SMARCB1: variants seen among roughly 807,000 people sequenced by gnomAD.
The protein encoded by SMARCB1 is SWI/SNF-related matrix-associated actin-dependent regulator of chromatin subfamily B member 1.
A neutral mutation model predicts 49.0 loss-of-function variants in SMARCB1; 5 were observed. The ratio of observed to expected loss-of-function variants is 0.10; its 90% CI spans 0.05 to 0.21. SMARCB1 has a LOEUF of 0.21. Among genes scored for constraint, SMARCB1 ranks in the 10% least tolerant of loss-of-function variants. The pLI is 1.00. For missense variants in SMARCB1, 226 were observed against 509.2 expected (o/e 0.44, Z 5.35); for synonymous variants, 201 against 200.1 (o/e 1.00, Z -0.04).
At position 23,812,420 on chromosome 22, in the gene SMARCB1, A is replaced by G. The variant is rs532527567; in HGVS notation, c.629-4350A>G. Among the ~76,000 whole-genome samples, 522 of 152,230 alleles carry G rather than the reference A, an allele frequency of 3.4e-3. 2 individuals carry two copies. The highest frequency in any genetic ancestry group is 6.1e-3 in the Admixed American group (93 of 15,266). Reference sequence around the variant, plus strand: ...AATGTTGACGAATGAGTTAACACCAATTCTACACAATCTCTTCCAGAAAAT... The same window carrying G: ...AATGTTGACGAATGAGTTAACACCAGTTCTACACAATCTCTTCCAGAAAAT... On this transcript the variant is annotated intron_variant, in intron 5 of 8. Transcript: ENST00000644036.
Position 23,834,311 on chromosome 22 carries a change from G to A in SMARCB1, c.*131G>A. 11 of 1,012,758 alleles carry A rather than the reference G, an allele frequency of 1.1e-5. No homozygotes were observed. Among genetic ancestry groups the A allele is most frequent in the South Asian group, 9.5e-5 (7 of 73,692 alleles). The allele number at this position is 1,012,758 out of a possible 1,614,324, so 62.7% of individuals were successfully genotyped here. A position where few individuals can be genotyped will look rare whatever the true frequency, so the allele number is the denominator to read the frequency against. On this transcript the variant is annotated 3_prime_UTR_variant, in exon 9 of 9. Coordinates refer to ENST00000644036, the MANE Select transcript of SMARCB1 (RefSeq NM_003073.5). ...TGAGGATCGGGTGGGGGTGGAGTGG[G>A]GGCTTCCAGGTGGCCCTTCCCGGCA... is the stretch of plus-strand genomic sequence containing the variant.
At position 23,791,744 on chromosome 22, in the gene SMARCB1, C is replaced by T. The variant is rs1200108676; in HGVS notation, c.94-12C>T. ...GCGACCCTTATAATGAGCCTTCTTG[C>T]TTTACTCATAGGTGGGAAACTACCT... On this transcript the variant is annotated splice_polypyrimidine_tract_variant and intron_variant, in intron 1 of 8. Transcript: ENST00000644036. 2.5e-6 allele frequency: 4 copies of T among 1,613,462 alleles called. No individual in the cohort carries two copies. Among genetic ancestry groups the T allele is most frequent in the East Asian group, 2.2e-5 (1 of 44,900 alleles).
intron 7 of SMARCB1, among the ~76,000 whole-genome samples, chr22:23,829,948 G>C (rs2030571655): frequency 6.6e-6 from 1 of 152,154 alleles, no homozygotes; most frequent in Non-Finnish European, 1.5e-5. Flanking sequence ...TTAGCATAAT[G>C]TTTTCAAGGA....
intron 5 of SMARCB1, among the ~76,000 whole-genome samples, chr22:23,812,649 AG>A (rs1568949283): frequency 6.6e-6 from 1 of 152,214 alleles, no homozygotes; most frequent in African/African-American, 2.4e-5. Context: ...GATTTATTGC[AG>A]GGATGGAAGG....
intron 6 of SMARCB1, chr22:23,823,475 T>C (rs1018809945): frequency 2.0e-5 from 3 of 152,272 alleles, no homozygotes; most frequent in Non-Finnish European, 4.4e-5. Flanking sequence ...GCAGTCCCCA[T>C]TGCCTGGCTG....
In SMARCB1 at chr22:23,837,460, G is replaced by A. The variant is rs1033044266; in HGVS notation, c.*3280G>A. On this transcript the variant is annotated 3_prime_UTR_variant, in exon 9 of 9. Transcript: ENST00000644036. ...GGACCGTGCAAGCATCAGTAGATCCGTCCTGACGATGCAAATTATGTGGGC... is the reference window on the plus strand; with the variant it reads ...GGACCGTGCAAGCATCAGTAGATCCATCCTGACGATGCAAATTATGTGGGC... The A allele has an allele frequency of 1.5e-6, 1 of 669,432 alleles. No homozygotes were observed. The highest frequency in any genetic ancestry group is 1.8e-5 in the African/African-American group (1 of 55,154). The allele number at this position is 669,432 out of a possible 1,614,324, so 41.5% of individuals were successfully genotyped here. A position where few individuals can be genotyped will look rare whatever the true frequency, so the allele number is the denominator to read the frequency against.
At chr22:23,806,851 C>G (rs1048501408) in intron 5 of SMARCB1, among the ~76,000 whole-genome samples, 7 of 143,706 alleles carry the variant, frequency 4.9e-5, no homozygotes, top group African/African-American at 1.6e-4. Context: ...ACCTGGGAGG[C>G]AGAGGTTGCA....
chr22:23,807,560 G>C (rs758288943), intron 5 of SMARCB1, among the ~76,000 whole-genome samples: 22 of 149,636 alleles, frequency 1.5e-4, no homozygotes, highest in Non-Finnish European at 2.7e-4. Context: ...GGGCAACAGA[G>C]TGAGACCCTG....
Position 23,837,010 on chromosome 22 carries a change from C to G in SMARCB1, c.*2830C>G, listed in dbSNP as rs377205513. On this transcript the variant is annotated 3_prime_UTR_variant, in exon 9 of 9. Transcript: ENST00000644036. ...AGCACAGGCCAGCACAGGTCCCCAT[C>G]GGTGGGGATCCTTCTGAGGGTGGGG... is the stretch of plus-strand genomic sequence containing the variant. The G allele has an allele frequency of 1.6e-6, 2 of 1,285,502 alleles. No homozygotes were observed. The highest frequency in any genetic ancestry group is 2.1e-6 in the Non-Finnish European group (2 of 945,396). The allele number at this position is 1,285,502 out of a possible 1,614,324, so 79.6% of individuals were successfully genotyped here.
At chr22:23,831,697 CTTGT>C (rs1196119020) in intron 7 of SMARCB1, among the ~76,000 whole-genome samples, 1 of 152,230 alleles carries the variant, frequency 6.6e-6, no homozygotes. Flanking sequence ...CTCGCCAGCT[CTTGT>C]TTAAGAGGAA....
chr22:23,825,191 A>G (rs764318057), intron 6 of SMARCB1, 34 bp from the exon 7 acceptor site: 9 of 1,605,162 alleles, frequency 5.6e-6, no homozygotes, highest in Middle Eastern at 1.6e-4. Flanking sequence ...GGGCTGCAAA[A>G]GCTCTAACTT....
intron 7 of SMARCB1, among the ~76,000 whole-genome samples, chr22:23,829,614 G>A (rs991801204): frequency 1.3e-5 from 2 of 152,164 alleles, no homozygotes; most frequent in Admixed American, 6.5e-5. Context: ...GGTTCCTTCC[G>A]AAGCTCTGCC....
intron 1 of SMARCB1, among the ~76,000 whole-genome samples, chr22:23,790,931 A>G (rs1928339760): frequency 6.6e-6 from 1 of 152,222 alleles, no homozygotes; most frequent in African/African-American, 2.4e-5. Context: ...ACATAATAGA[A>G]GTGGTCCTTC....
intron 5 of SMARCB1, among the ~76,000 whole-genome samples, chr22:23,805,132 GT>G (rs1929415089): frequency 1.3e-5 from 2 of 152,182 alleles, no homozygotes; most frequent in African/African-American, 4.8e-5. Flanking sequence ...CCAGGCCTGA[GT>G]CCGAAGGCCT....
Position 23,834,205 on chromosome 22 carries a change from A to C in SMARCB1, c.*25A>C, listed in dbSNP as rs2030844465. 2 of 1,575,302 alleles carry C rather than the reference A, an allele frequency of 1.3e-6. No individual in the cohort carries two copies. The highest frequency in any genetic ancestry group is 1.7e-6 in the Non-Finnish European group (2 of 1,160,310). ...ACCAGCCCATCAGCACACGGCTCCC[A>C]CGGAGCATCTCAGAAGATTGGGCCG... On this transcript the variant is annotated 3_prime_UTR_variant, in exon 9 of 9. Transcript: ENST00000644036.
At chr22:23,794,989 T>C (rs1928649281) in intron 3 of SMARCB1, among the ~76,000 whole-genome samples, 1 of 152,172 alleles carries the variant, frequency 6.6e-6, no homozygotes, top group Non-Finnish European at 1.5e-5. Flanking sequence ...AGTTACGATG[T>C]TGTATCTAGA....
chr22:23,825,123 CCCTGGTGGGCAGGGCCCACCCCAGG>C (rs2030311125), intron 6 of SMARCB1, 77 bp from the exon 7 acceptor site: 4 of 908,698 alleles, frequency 4.4e-6, no homozygotes, highest in Non-Finnish European at 7.4e-6. Flanking sequence ...AGCTGGTGGA[CCCTGGTGGGCAGGGCCCACCCCAGG>C]CCTGGCAGGG....
intron 5 of SMARCB1, chr22:23,815,563 A>G (rs1325903380): frequency 1.3e-5 from 2 of 152,284 alleles, no homozygotes; most frequent in Non-Finnish European, 2.9e-5. Flanking sequence ...ACATGCAACC[A>G]GTGTACCTTG....
chr22:23,811,889 A>T (rs1929888406), intron 5 of SMARCB1, among the ~76,000 whole-genome samples: 1 of 152,180 alleles, frequency 6.6e-6, no homozygotes, highest in South Asian at 2.1e-4. Context: ...ATTAATGAAA[A>T]CTAGCTGGTT....
Sources: gnomAD v4.1 joint callset for allele counts (sites outside exome capture counted in the v4.1 genomes callset) on GRCh38, gnomAD v4.1.1 for gene constraint, MANE v1.5 for transcripts, NCBI Gene and HGNC (gene_info 2026-07-23, HGNC 2026-07-21) for gene names.